The following ARHGEF38 variants were observed in gnomAD, a reference collection of about 807,000 sequenced individuals.
ARHGEF38 encodes the protein Rho guanine nucleotide exchange factor (GEF) 38.
ARHGEF38 carries 79 observed loss-of-function variants against 79.9 expected under a neutral mutation model. That is an observed-to-expected ratio of 0.99 (90% CI 0.82 to 1.19). The LOEUF (loss-of-function observed/expected upper bound fraction) is 1.19. Among genes scored for constraint, ARHGEF38 ranks in the 50% most tolerant of loss-of-function variants. The probability of loss-of-function intolerance (pLI) is 0.00; values close to 1 mark genes in which losing one functional copy is unlikely to be tolerated. For missense variants in ARHGEF38, 962 were observed against 907.2 expected (o/e 1.06, Z -0.78); for synonymous variants, 366 against 328.3 (o/e 1.11, Z -1.24).
chr4:105,611,594 T>C (rs1283405453), intron 2 of ARHGEF38, among the ~76,000 whole-genome samples: 1 of 151,992 alleles, frequency 6.6e-6, no homozygotes, highest in Non-Finnish European at 1.5e-5. Flanking sequence ...CATGTAACTG[T>C]TATATGCCTT....
chr4:105,613,991 T>C (rs1728411794), intron 3 of ARHGEF38, among the ~76,000 whole-genome samples: 1 of 152,138 alleles, frequency 6.6e-6, no homozygotes, highest in South Asian at 2.1e-4. Context: ...CTTTTTTTCA[T>C]GCTCTCTTTT....
At chr4:105,600,614 A>G (rs1221236558) in intron 2 of ARHGEF38, among the ~76,000 whole-genome samples, 2 of 152,064 alleles carry the variant, frequency 1.3e-5, no homozygotes, top group East Asian at 3.9e-4. Context: ...TGATTGGCAA[A>G]TTTTTATCTC....
intron 2 of ARHGEF38, among the ~76,000 whole-genome samples, chr4:105,603,634 C>A (rs1286562220): frequency 6.6e-6 from 1 of 152,104 alleles, no homozygotes. Context: ...CCAGAGTGTA[C>A]CTTCATATTC....
intron 1 of ARHGEF38, among the ~76,000 whole-genome samples, chr4:105,568,856 T>C (rs1488890955): frequency 6.6e-6 from 1 of 152,196 alleles, no homozygotes; most frequent in African/African-American, 2.4e-5. Flanking sequence ...GCATTTTGTT[T>C]ATAAAAGTGC....
In ARHGEF38 at chr4:105,667,836, C is replaced by G. The variant is rs1448686681; in HGVS notation, c.2148+133C>G. The G allele has an allele frequency of 2.9e-6, 3 of 1,034,072 alleles. No individual in the cohort carries two copies. In the African/African-American group the frequency reaches 4.9e-5, roughly 17 times the overall value. 64.1% of individuals were successfully genotyped at this position (1,034,072 alleles called of 1,614,324 possible). ...TCAAGGAGACCTGGCTCTATTAGCA[C>G]AGTGGATCTTTTTGTAAGGAGTTTA... On this transcript the variant is annotated intron_variant, in intron 13 of 13. Coordinates refer to ENST00000420470, the MANE Select transcript of ARHGEF38 (RefSeq NM_001242729.2).
intron 1 of ARHGEF38, among the ~76,000 whole-genome samples, chr4:105,577,763 G>A (rs527884396): frequency 6.6e-6 from 1 of 152,166 alleles, no homozygotes; most frequent in South Asian, 2.1e-4. Flanking sequence ...TTTCTGTGGT[G>A]TCAGTTGTAA....
At chr4:105,571,381 G>A (rs1417527538) in intron 1 of ARHGEF38, among the ~76,000 whole-genome samples, 8 of 143,626 alleles carry the variant, frequency 5.6e-5, no homozygotes, top group Non-Finnish European at 1.0e-4. Flanking sequence ...GGAGTGCAAT[G>A]GCGCAATCTT....
intron 6 of ARHGEF38, among the ~76,000 whole-genome samples, chr4:105,645,995 C>T (rs1729824604): frequency 6.6e-6 from 1 of 152,194 alleles, no homozygotes; most frequent in South Asian, 2.1e-4. Context: ...GGTTCCTATA[C>T]ATCCCAGAGG....
At position 105,589,292 on chromosome 4, in the gene ARHGEF38, A is replaced by G. The variant is rs1468750260; in HGVS notation, c.241A>G (p.Thr81Ala). Residue 81 changes from threonine to alanine, a missense_variant, in exon 2 of 14, where the codon ACC becomes GCC. By Grantham distance (58) the Thr-to-Ala change is moderately conservative. Transcript: ENST00000420470. The part of the protein sequence containing the change: ...QGECSVAETL[T>A]PEEEHHMKRM... ...TGAGTGTTCTGTAGCTGAGACCTTA[A>G]CCCCAGAGGAAGAGCATCATATGAA... The G allele has an allele frequency of 3.1e-6, 5 of 1,613,996 alleles. No homozygotes were observed. The highest frequency in any genetic ancestry group is 2.2e-5 in the East Asian group (1 of 44,860).
rs753790139 is a variant in ARHGEF38 at position 105,654,153 on chromosome 4, G to A, written c.1097G>A (p.Cys366Tyr). ...VRLCVKNISL[C>Y]LQHIQDAMPL... ...CTTTGTGTGAAGAACATTTCACTCT[G>A]TCTTCAACACATACAGGTAGGTGAG... Residue 366 changes from cysteine to tyrosine, a missense_variant, in exon 8 of 14, where the codon TGT (cysteine) becomes TAT (tyrosine). Transcript: ENST00000420470. 4.7e-6 allele frequency: 7 copies of A among 1,498,948 alleles called. No individual in the cohort carries two copies. Among genetic ancestry groups the A allele is most frequent in the Non-Finnish European group, 5.3e-6 (6 of 1,122,246 alleles). 92.9% of individuals were successfully genotyped at this position (1,498,948 alleles called of 1,614,324 possible).
At chr4:105,611,538 T>G (rs1223715647) in intron 2 of ARHGEF38, among the ~76,000 whole-genome samples, 1 of 152,050 alleles carries the variant, frequency 6.6e-6, no homozygotes, top group African/African-American at 2.4e-5. Flanking sequence ...AATGACAACT[T>G]CATGTTAACT....
At chr4:105,653,543 G>A (rs964974349) in intron 7 of ARHGEF38, among the ~76,000 whole-genome samples, 15 of 152,022 alleles carry the variant, frequency 9.9e-5, no homozygotes, top group African/African-American at 2.9e-4. Context: ...GGCTGGACTC[G>A]AACTCCTGAC....
chr4:105,578,863 A>C (rs1560697534), intron 1 of ARHGEF38, among the ~76,000 whole-genome samples: 1 of 152,172 alleles, frequency 6.6e-6, no homozygotes, highest in Non-Finnish European at 1.5e-5. Flanking sequence ...CCATTATGCC[A>C]ATCTGTATAT....
At chr4:105,554,109 A>C (rs143970245) in intron 1 of ARHGEF38, among the ~76,000 whole-genome samples, 25 of 152,212 alleles carry the variant, frequency 1.6e-4, no homozygotes, top group African/African-American at 6.0e-4. Flanking sequence ...ATCCTCAAAT[A>C]CTTTTTTTTT....
chr4:105,554,174 G>A (rs564969117), intron 1 of ARHGEF38, among the ~76,000 whole-genome samples: 1 of 152,124 alleles, frequency 6.6e-6, no homozygotes, highest in South Asian at 2.1e-4. Context: ...CCAAGCAATA[G>A]ATACATTGGA....
At chr4:105,642,208 C>T (rs955491931) in intron 5 of ARHGEF38, among the ~76,000 whole-genome samples, 3 of 152,060 alleles carry the variant, frequency 2.0e-5, no homozygotes, top group Non-Finnish European at 4.4e-5. Flanking sequence ...ATAACACTCC[C>T]TCTATCTTTT....
intron 1 of ARHGEF38, among the ~76,000 whole-genome samples, chr4:105,587,489 CT>C (rs1727111439): frequency 6.6e-6 from 1 of 152,070 alleles, no homozygotes; most frequent in Non-Finnish European, 1.5e-5. Flanking sequence ...GAGACAGAGT[CT>C]CATTCTCTCG....
chr4:105,652,757 C>A (rs1273540604), intron 7 of ARHGEF38, among the ~76,000 whole-genome samples: 1 of 152,142 alleles, frequency 6.6e-6, no homozygotes, highest in Non-Finnish European at 1.5e-5. Context: ...TTGTTATACA[C>A]ACTAGACTGA....
intron 1 of ARHGEF38, among the ~76,000 whole-genome samples, chr4:105,585,854 C>T (rs1388064556): frequency 6.8e-6 from 1 of 147,170 alleles, no homozygotes; most frequent in African/African-American, 2.5e-5. Flanking sequence ...GCCTTAGCCT[C>T]CCAAGTAGCT....
Sources: allele counts gnomAD v4.1 joint callset (sites outside exome capture counted in the v4.1 genomes callset), GRCh38; gene constraint gnomAD v4.1.1; transcripts MANE v1.5; gene names NCBI Gene and HGNC (gene_info 2026-07-23, HGNC 2026-07-21).